The following ZNF841 variants were observed in gnomAD, a reference collection of about 807,000 sequenced individuals.
ZNF841 encodes the protein zinc finger protein 841, also known as TCONS_00006091.
Under a neutral mutation model 13.0 loss-of-function variants are expected in ZNF841, and 11 were observed. That is an observed-to-expected ratio of 0.85 (90% CI 0.53 to 1.40). The LOEUF (loss-of-function observed/expected upper bound fraction) is 1.40. Among genes scored for constraint, ZNF841 ranks in the 40% most tolerant of loss-of-function variants. The pLI is 0.00. For synonymous variants in ZNF841, 369 were observed against 381.6 expected, an observed-to-expected ratio of 0.97 and a Z score of 0.38; for missense variants, 1,068 against 1,139.5, an observed-to-expected ratio of 0.94 and a Z score of 0.90.
At chr19:52,069,412 A>G (rs1226017594) in intron 6 of ZNF841, among the ~76,000 whole-genome samples, 1 of 152,172 alleles carries the variant, frequency 6.6e-6, no homozygotes, top group Non-Finnish European at 1.5e-5. Context: ...CTTGGCCACA[A>G]AATATATATG....
At position 52,066,200 on chromosome 19, in the gene ZNF841, C is replaced by T. The variant is rs1229036407; in HGVS notation, c.1682G>A (p.Arg561Lys). ...GAGAGGTTTCTCTCCAGTATGACAT[C>T]TCATATGAACCGAAAGGTATCCACC... ...NYGGYLSVHM[R>K]CHTGEKPLHC... Residue 561 changes from arginine (R) to lysine (K), a missense_variant, in exon 7 of 7, where the codon AGA (arginine) becomes AAA (lysine). Arg to Lys is a conservative substitution (Grantham distance 26). Coordinates refer to ENST00000594440, the MANE Select transcript of ZNF841 (RefSeq NM_001136499.2). 6.2e-7 allele frequency: 1 copy of T among 1,613,742 alleles called. No homozygotes were observed. The highest frequency in any genetic ancestry group is 1.1e-5 in the South Asian group (1 of 91,048).
In ZNF841 at chr19:52,065,948, T is replaced by A; in HGVS notation, c.1934A>T (p.Lys645Ile). ...ATAAGGTTTCTCTCCGGTATGAATTTTCCGATGACGTGCTAGGCATGAGTA... is the reference window on the plus strand; with the variant it reads ...ATAAGGTTTCTCTCCGGTATGAATTATCCGATGACGTGCTAGGCATGAGTA... ...SYYSCLARHR[K>I]IHTGEKPYKC... The change falls in exon 7 of 7, where the codon AAA becomes ATA. Residue 645 changes from lysine to isoleucine, a missense_variant. Coordinates refer to ENST00000594440, the MANE Select transcript of ZNF841 (RefSeq NM_001136499.2). 2 of 1,612,670 alleles carry A rather than the reference T, an allele frequency of 1.2e-6. No individual in the cohort carries two copies. The highest frequency in any genetic ancestry group is 1.7e-6 in the Non-Finnish European group (2 of 1,179,532).
At position 52,095,571 on chromosome 19, in the gene ZNF841, T is replaced by C. The variant is rs1251326700; in HGVS notation, c.-270+4A>G. The C allele has an allele frequency of 6.6e-6, 1 of 152,382 alleles. No homozygotes were observed. The highest frequency in any genetic ancestry group is 1.5e-5 in the Non-Finnish European group (1 of 68,234). The allele number at this position is 152,382 out of a possible 1,614,324, so 9.4% of individuals were successfully genotyped here. ...ACCGAAAGGGAAGCAATTCTCCTAC[T>C]TACTTGGGACGAAGGGGCTGTTGCG... On this transcript the variant is annotated splice_donor_region_variant and intron_variant, in intron 1 of 6. Coordinates refer to ENST00000594440, the MANE Select transcript of ZNF841 (RefSeq NM_001136499.2).
chr19:52,076,693 C>T (rs181809577), intron 5 of ZNF841, among the ~76,000 whole-genome samples: 124 of 146,810 alleles, frequency 8.4e-4, no homozygotes, highest in Non-Finnish European at 1.3e-3. Flanking sequence ...ACAGGAAGAA[C>T]AGGGAATTGG....
rs1250847641 is a variant in ZNF841 at position 52,088,938 on chromosome 19, A to C, written c.-79T>G. The stretch of plus-strand genomic sequence containing the variant: ...CATGTTGACTTGCTTAATACGTACC[A>C]TAGATTGAGGTGTGCGATTCAGTTG... On this transcript the variant is annotated splice_region_variant and 5_prime_UTR_variant, in exon 3 of 7. It removes an upstream start codon present in the reference 5' UTR. Transcript: ENST00000594440. 1 of 152,228 alleles carries C rather than the reference A, an allele frequency of 6.6e-6. No homozygotes were observed. The highest frequency in any genetic ancestry group is 2.4e-5 in the African/African-American group (1 of 41,456). The allele number at this position is 152,228 out of a possible 1,614,324, so 9.4% of individuals were successfully genotyped here.
In ZNF841 at chr19:52,067,324, T is replaced by C; in HGVS notation, c.558A>G (p.Leu186=). 6.4e-7 allele frequency: 1 copy of C among 1,551,222 alleles called. No homozygotes were observed. Among genetic ancestry groups the C allele is most frequent in the South Asian group, 1.2e-5 (1 of 83,744 alleles). The change falls in exon 7 of 7, where the codon TTA becomes TTG. Residue 186 remains leucine (L), a synonymous_variant. Transcript: ENST00000594440. ...ENKHMENQLI[L]RFQSGLGELQ... The stretch of plus-strand genomic sequence containing the variant: ...ATTCACCCAGACCGGACTGAAACCT[T>C]AATATAAGCTGATTTTCCATATGCT...
Position 52,066,936 on chromosome 19 carries a change from G to C in ZNF841, c.946C>G (p.Pro316Ala). Residue 316 changes from proline (P) to alanine (A), a missense_variant, in exon 7 of 7, where the codon CCA becomes GCA. By Grantham distance (27) the Pro-to-Ala change is conservative. Coordinates refer to ENST00000594440, the MANE Select transcript of ZNF841 (RefSeq NM_001136499.2). ...CTGCCACATACATCACATTGGTATGGTTTCCCTCTTGTATGGACTATCTGA... is the reference window on the plus strand; with the variant it reads ...CTGCCACATACATCACATTGGTATGCTTTCCCTCTTGTATGGACTATCTGA... ...VHQIVHTRGKPYQCDVCGRIF... is the reference protein window; with the variant it reads ...VHQIVHTRGKAYQCDVCGRIF... 3 of 1,614,150 alleles carry C rather than the reference G, an allele frequency of 1.9e-6. No homozygotes were observed. Among genetic ancestry groups the C allele is most frequent in the South Asian group, 1.1e-5 (1 of 91,070 alleles).
chr19:52,079,992 A>G (rs1461343524), intron 4 of ZNF841, among the ~76,000 whole-genome samples: 1 of 132,820 alleles, frequency 7.5e-6, no homozygotes, highest in African/African-American at 2.7e-5. Context: ...ACTCCATCTC[A>G]GGGAAAAAAA....
chr19:52,091,031 G>C (rs142499972), intron 2 of ZNF841, among the ~76,000 whole-genome samples: 4 of 152,066 alleles, frequency 2.6e-5, no homozygotes, highest in African/African-American at 9.7e-5. Context: ...TAAATATGAA[G>C]GGCTCTAAAA....
In ZNF841 at chr19:52,067,098, T is replaced by C. The variant is rs749107366; in HGVS notation, c.784A>G (p.Ile262Val). ...AAGGCTTTGCCACACTCATTACCTA[T>C]GTAAGGTTTTTCCCTAATATGTGTT... The part of the protein sequence containing the change: ...EKTHIREKPY[I>V]GNECGKAFRV... The change falls in exon 7 of 7, where the codon ATA becomes GTA. Residue 262 changes from isoleucine to valine, a missense_variant. Ile to Val is a conservative substitution (Grantham distance 29, BLOSUM62 3). Coordinates refer to ENST00000594440, the MANE Select transcript of ZNF841 (RefSeq NM_001136499.2). 2 of 1,592,124 alleles carry C rather than the reference T, an allele frequency of 1.3e-6. No individual in the cohort carries two copies. The highest frequency in any genetic ancestry group is 1.8e-5 in the Admixed American group (1 of 56,276).
At chr19:52,061,485 A>AC (rs564798248), downstream of ZNF841, among the ~76,000 whole-genome samples, 117 of 151,214 alleles carry the variant, frequency 7.7e-4, no homozygotes, top group African/African-American at 2.7e-3. Flanking sequence ...CCCAGAACCC[A>AC]CCCCCACCAC....
intron 4 of ZNF841, among the ~76,000 whole-genome samples, chr19:52,080,636 G>A (rs2088067306): frequency 6.6e-6 from 1 of 152,182 alleles, no homozygotes; most frequent in Admixed American, 6.6e-5. Context: ...ATAAACCAGT[G>A]TGTGCAGTAA....
intron 4 of ZNF841, among the ~76,000 whole-genome samples, chr19:52,077,410 C>A (rs890363402): frequency 6.6e-6 from 1 of 152,146 alleles, no homozygotes; most frequent in African/African-American, 2.4e-5. Flanking sequence ...CAAGTGGTGT[C>A]TTCAGAGATG....
At chr19:52,086,354 G>A (rs1284882351) in intron 3 of ZNF841, among the ~76,000 whole-genome samples, 1 of 152,090 alleles carries the variant, frequency 6.6e-6, no homozygotes, top group Non-Finnish European at 1.5e-5. Flanking sequence ...ACATCTGGTT[G>A]TTTAGAAGTG....
In ZNF841 at chr19:52,073,417, G is replaced by T. The variant is rs185918030; in HGVS notation, c.271+2627C>A. Among the ~76,000 whole-genome samples the T allele has an allele frequency of 2.6e-3, 395 of 151,920 alleles. No individual in the cohort carries two copies. In the Middle Eastern group the frequency reaches 0.027, roughly 10 times the overall value. ...GGCTTCAAGCAATTCTCTTGTCTCAGCCTCCCAAGTAGCTGAGATTACATG... is the reference window on the plus strand; with the variant it reads ...GGCTTCAAGCAATTCTCTTGTCTCATCCTCCCAAGTAGCTGAGATTACATG... On this transcript the variant is annotated intron_variant, in intron 6 of 6. Transcript: ENST00000594440.
Position 52,065,563 on chromosome 19 carries a change from G to C in ZNF841, c.2319C>G (p.Val773=). The part of the protein sequence containing the change: ...KPYKCNECGK[V]FRYRSGLARH... Reference sequence around the variant, plus strand: ...GTGCGAGGCCTGAGCGATAACGGAAGACCTTGCCACATTCATTACATTTGT... The same window carrying C: ...GTGCGAGGCCTGAGCGATAACGGAACACCTTGCCACATTCATTACATTTGT... Residue 773 remains valine, a synonymous_variant, in exon 7 of 7, where the codon GTC becomes GTG. Transcript: ENST00000594440. 6.2e-7 allele frequency: 1 copy of C among 1,613,872 alleles called. No individual in the cohort carries two copies. Among genetic ancestry groups the C allele is most frequent in the Non-Finnish European group, 8.5e-7 (1 of 1,179,940 alleles).
At chr19:52,074,817 A>G (rs578077928) in intron 6 of ZNF841, among the ~76,000 whole-genome samples, 1 of 152,116 alleles carries the variant, frequency 6.6e-6, no homozygotes, top group Non-Finnish European at 1.5e-5. Flanking sequence ...CGTGCCCGGC[A>G]TGGGAGAAAT....
chr19:52,079,906 G>A (rs145531127), intron 4 of ZNF841, among the ~76,000 whole-genome samples: 12 of 151,236 alleles, frequency 7.9e-5, no homozygotes, highest in East Asian at 2.0e-4. Flanking sequence ...CAGGAGGATC[G>A]CTTGAACCTG....
chr19:52,066,046 A>G lies in ZNF841; in HGVS notation c.1836T>C (p.Leu612=). 6.2e-7 allele frequency: 1 copy of G among 1,613,458 alleles called. No individual in the cohort carries two copies. Among genetic ancestry groups the G allele is most frequent in the Non-Finnish European group, 8.5e-7 (1 of 1,179,842 alleles). Residue 612 remains leucine (L), a synonymous_variant, in exon 7 of 7, where the codon CTT becomes CTC. Coordinates refer to ENST00000594440, the MANE Select transcript of ZNF841 (RefSeq NM_001136499.2). ...CGGTATGACTTCGCCTATGAATTGA[A>G]AGGTTTCCACTGTCAATGAAGACCT... The part of the protein sequence containing the change: ...CGKVFIDSGN[L]SIHRRSHTGE...
Sources: allele counts gnomAD v4.1 joint callset (sites outside exome capture counted in the v4.1 genomes callset), GRCh38; gene constraint gnomAD v4.1.1; transcripts MANE v1.5; gene names NCBI Gene and HGNC (gene_info 2026-07-23, HGNC 2026-07-21).